The following ROBO2 variants were observed in gnomAD, a reference collection of about 807,000 sequenced individuals.
ROBO2 encodes the protein roundabout guidance receptor 2.
ROBO2 carries 53 observed loss-of-function variants against 160.8 expected under a neutral mutation model. The observed-to-expected ratio is 0.33, with a 90% CI of 0.26 to 0.41. ROBO2 has a LOEUF of 0.41. Ranked by LOEUF, ROBO2 falls within the 10% of genes least tolerant of loss-of-function variation. ROBO2 has a pLI of 1.00. For missense variants in ROBO2, 1,577 were observed against 1,722.4 expected (o/e 0.92, Z 1.49); for synonymous variants, 664 against 611.7 (o/e 1.09, Z -1.26).
intron 2 of ROBO2, among the ~76,000 whole-genome samples, chr3:76,707,422 A>G (rs2093188760): frequency 6.6e-6 from 1 of 152,060 alleles, no homozygotes; most frequent in Non-Finnish European, 1.5e-5. Context: ...TTAGAAATGG[A>G]CAAACCACTT....
chr3:77,153,770 T>C (rs529194540), intron 2 of ROBO2, among the ~76,000 whole-genome samples: 1 of 152,278 alleles, frequency 6.6e-6, no homozygotes, highest in South Asian at 2.1e-4. Flanking sequence ...ATATTCTGTC[T>C]TGGATGAAAC....
intron 2 of ROBO2, among the ~76,000 whole-genome samples, chr3:76,258,652 A>G (rs1351465192): frequency 6.6e-6 from 1 of 151,796 alleles, no homozygotes; most frequent in Non-Finnish European, 1.5e-5. Context: ...TCATTTCTTC[A>G]TCTCCTTTTT....
chr3:75,963,276 C>T (rs1474454606), intron 2 of ROBO2, among the ~76,000 whole-genome samples: 2 of 151,738 alleles, frequency 1.3e-5, no homozygotes, highest in South Asian at 4.2e-4. Context: ...TAGTCTTGAT[C>T]TCCTGGGCTC....
chr3:77,445,308 C>T (rs2080358289), intron 2 of ROBO2, among the ~76,000 whole-genome samples: 1 of 151,986 alleles, frequency 6.6e-6, no homozygotes, highest in African/African-American at 2.4e-5. Context: ...CTTCTTAAAA[C>T]CAGTCAAATG....
At chr3:77,624,290 C>T (rs1402313194) in intron 23 of ROBO2, among the ~76,000 whole-genome samples, 2 of 151,754 alleles carry the variant, frequency 1.3e-5, no homozygotes, top group Admixed American at 1.3e-4. Flanking sequence ...ATTTAATTTG[C>T]TTTCTATGGT....
At chr3:76,369,152 A>G in intron 2 of ROBO2, among the ~76,000 whole-genome samples, 1 of 151,922 alleles carries the variant, frequency 6.6e-6, no homozygotes, top group East Asian at 1.9e-4. Flanking sequence ...GTTTTTGCAG[A>G]AATGCCTCTC....
intron 2 of ROBO2, among the ~76,000 whole-genome samples, chr3:76,458,493 C>T (rs940867282): frequency 6.6e-6 from 1 of 152,180 alleles, no homozygotes; most frequent in African/African-American, 2.4e-5. Flanking sequence ...AACTTTCCCA[C>T]ATTTTCCTGT....
At chr3:77,169,197 A>G (rs1295654092) in intron 2 of ROBO2, among the ~76,000 whole-genome samples, 1 of 152,246 alleles carries the variant, frequency 6.6e-6, no homozygotes, top group Non-Finnish European at 1.5e-5. Context: ...GAACAAGTCA[A>G]TAGGCTGTTA....
intron 20 of ROBO2, chr3:77,603,157 G>A (rs2094465115): frequency 4.6e-6 from 2 of 437,484 alleles, no homozygotes; most frequent in Admixed American, 2.4e-5. Context: ...ACAGCTCACT[G>A]TCAGGCATTT....
At chr3:76,215,102 T>C (rs573463892) in intron 2 of ROBO2, among the ~76,000 whole-genome samples, 3 of 152,288 alleles carry the variant, frequency 2.0e-5, no homozygotes, top group South Asian at 4.1e-4. Context: ...GCTGAGGGTC[T>C]TGACTGTTAG....
intron 2 of ROBO2, among the ~76,000 whole-genome samples, chr3:76,204,197 T>A (rs1321562352): frequency 6.6e-6 from 1 of 152,188 alleles, no homozygotes; most frequent in Non-Finnish European, 1.5e-5. Flanking sequence ...TCTTATCTAT[T>A]TTTTTCAACA....
intron 2 of ROBO2, among the ~76,000 whole-genome samples, chr3:77,446,774 T>G: frequency 6.6e-6 from 1 of 152,054 alleles, no homozygotes; most frequent in East Asian, 1.9e-4. Flanking sequence ...TGACTAAATT[T>G]AGTGAAATAT....
chr3:76,898,494 T>C (rs2074982535), intron 2 of ROBO2, among the ~76,000 whole-genome samples: 1 of 152,118 alleles, frequency 6.6e-6, no homozygotes, highest in Non-Finnish European at 1.5e-5. Flanking sequence ...AATATCTACA[T>C]CTAATTGCGA....
At chr3:76,421,204 T>C (rs1321748006) in intron 2 of ROBO2, among the ~76,000 whole-genome samples, 1 of 152,208 alleles carries the variant, frequency 6.6e-6, no homozygotes, top group African/African-American at 2.4e-5. Flanking sequence ...TTATAGCTGG[T>C]TGTAACAATA....
At chr3:76,110,206 T>C (rs1485023459) in intron 2 of ROBO2, among the ~76,000 whole-genome samples, 1 of 152,036 alleles carries the variant, frequency 6.6e-6, no homozygotes, top group East Asian at 1.9e-4. Flanking sequence ...ACTTTGATCA[T>C]AGTAGACGTG....
chr3:76,471,739 G>C (rs566838514), intron 2 of ROBO2, among the ~76,000 whole-genome samples: 63 of 152,154 alleles, frequency 4.1e-4, no homozygotes, highest in African/African-American at 1.4e-3. Flanking sequence ...ATTTATAAAG[G>C]AAAAGGTTTA....
intron 5 of ROBO2, among the ~76,000 whole-genome samples, chr3:77,498,363 C>T (rs1265945744): frequency 6.6e-6 from 1 of 152,046 alleles, no homozygotes; most frequent in Non-Finnish European, 1.5e-5. Context: ...CAGTTGATGG[C>T]TTGCACATAG....
At chr3:76,517,393 A>G (rs1367215214) in intron 2 of ROBO2, among the ~76,000 whole-genome samples, 1 of 152,186 alleles carries the variant, frequency 6.6e-6, no homozygotes, top group Non-Finnish European at 1.5e-5. Flanking sequence ...GTGGCTTTGC[A>G]TGCATCTTAA....
intron 2 of ROBO2, among the ~76,000 whole-genome samples, chr3:77,139,223 A>C (rs1161541417): frequency 6.6e-6 from 1 of 152,168 alleles, no homozygotes; most frequent in Non-Finnish European, 1.5e-5. Flanking sequence ...AAATTCCCTG[A>C]TTAAAAAAAA....
Sources: gnomAD v4.1 joint callset for allele counts (sites outside exome capture counted in the v4.1 genomes callset) on GRCh38, gnomAD v4.1.1 for gene constraint, MANE v1.5 for transcripts, NCBI Gene and HGNC (gene_info 2026-07-23, HGNC 2026-07-21) for gene names.